The following PACRG variants were observed in gnomAD, a reference collection of about 807,000 sequenced individuals.
The protein encoded by PACRG is parkin coregulated.
In PACRG, 29 loss-of-function variants were observed where a neutral mutation model predicts 29.7. The observed-to-expected ratio is 0.98, with a 90% CI of 0.73 to 1.33. The LOEUF (loss-of-function observed/expected upper bound fraction) is 1.33, where lower values mean the gene tolerates loss of function less well. Ranked by LOEUF, PACRG falls within the 40% of genes most tolerant of loss-of-function variation. The pLI is 0.00. For missense variants in PACRG, 279 were observed against 316.2 expected, an observed-to-expected ratio of 0.88 and a Z score of 0.89; for synonymous variants, 116 against 118.7, an observed-to-expected ratio of 0.98 and a Z score of 0.15.
intron 1 of PACRG, among the ~76,000 whole-genome samples, chr6:162,763,022 C>T (rs1013319094): frequency 3.3e-5 from 5 of 152,182 alleles, no homozygotes; most frequent in African/African-American, 1.2e-4. Context: ...TGCATGAAAT[C>T]AATTAATGAT....
At chr6:163,297,810 C>T (rs1047644949) in intron 4 of PACRG, among the ~76,000 whole-genome samples, 3 of 152,162 alleles carry the variant, frequency 2.0e-5, no homozygotes, top group Admixed American at 6.5e-5. Context: ...CTCACAGCCA[C>T]CTGATGGGTG....
At chr6:163,188,782 A>C (rs1780070944) in intron 4 of PACRG, among the ~76,000 whole-genome samples, 1 of 152,184 alleles carries the variant, frequency 6.6e-6, no homozygotes, top group Non-Finnish European at 1.5e-5. Context: ...TGTGTTTGAG[A>C]TCTGAAAAAC....
chr6:163,188,661 G>A (rs13217038), intron 4 of PACRG, among the ~76,000 whole-genome samples: 13,741 of 152,234 alleles, frequency 0.09, 669 homozygotes, highest in South Asian at 0.13. Flanking sequence ...TATTTTAGTG[G>A]CCTTTCTCAC....
intron 3 of PACRG, among the ~76,000 whole-genome samples, chr6:163,078,101 G>A (rs926018439): frequency 2.0e-5 from 3 of 152,118 alleles, no homozygotes; most frequent in Middle Eastern, 3.2e-3. Flanking sequence ...GATGTTGAGG[G>A]GCAAAAGCTC....
chr6:163,048,171 T>C (rs1809602331), intron 2 of PACRG, among the ~76,000 whole-genome samples: 1 of 152,152 alleles, frequency 6.6e-6, no homozygotes. Flanking sequence ...AATCTTTGCA[T>C]GTACTTTTCT....
intron 2 of PACRG, among the ~76,000 whole-genome samples, chr6:163,035,765 T>C (rs980431864): frequency 1.1e-4 from 15 of 135,744 alleles, no homozygotes; most frequent in Non-Finnish European, 2.0e-4. Context: ...TGAGCCGAGA[T>C]CATGCCATTG....
chr6:163,161,790 G>A lies in PACRG; in HGVS notation c.613+72382G>A, dbSNP rs144367826. 1.2e-4 allele frequency among the ~76,000 whole-genome samples: 18 copies of A among 152,220 alleles called. No homozygotes were observed. The East Asian group carries it at 3.1e-3, about 26-fold the overall frequency. ...TCAAGTGAGTTCATTCCGTGGCTCC[G>A]TTGCACTACCCAGCACCCAATAGCA... On this transcript the variant is annotated intron_variant, in intron 4 of 4. Transcript: ENST00000366888.
chr6:163,231,805 C>T (rs190626681), intron 4 of PACRG, among the ~76,000 whole-genome samples: 42 of 152,218 alleles, frequency 2.8e-4, no homozygotes, highest in Admixed American at 1.7e-3. Context: ...GAGGTGGGAC[C>T]ATACAGGTGC....
chr6:162,945,941 A>G (rs1035194728), intron 2 of PACRG, among the ~76,000 whole-genome samples: 4 of 152,186 alleles, frequency 2.6e-5, no homozygotes, highest in Admixed American at 6.5e-5. Context: ...TAAGGAGGAA[A>G]TTAAAAAATA....
At chr6:162,996,874 T>C (rs1291426418) in intron 2 of PACRG, among the ~76,000 whole-genome samples, 2 of 152,276 alleles carry the variant, frequency 1.3e-5, no homozygotes, top group East Asian at 3.9e-4. Context: ...AAAGAATATA[T>C]GCTAAGTAAT....
At chr6:163,070,622 AG>A in intron 3 of PACRG, among the ~76,000 whole-genome samples, 1 of 152,190 alleles carries the variant, frequency 6.6e-6, no homozygotes, top group South Asian at 2.1e-4. Context: ...AGAGGAAGAC[AG>A]GAAGGAAGGA....
intron 2 of PACRG, among the ~76,000 whole-genome samples, chr6:162,992,541 G>C (rs1185342558): frequency 1.4e-5 from 2 of 141,408 alleles, no homozygotes; most frequent in African/African-American, 2.6e-5. Flanking sequence ...GGTGTTTGTA[G>C]TATTCTCTGA....
At chr6:162,829,098 T>C (rs773303012) in intron 2 of PACRG, among the ~76,000 whole-genome samples, 1 of 152,208 alleles carries the variant, frequency 6.6e-6, no homozygotes, top group Non-Finnish European at 1.5e-5. Context: ...GCAAATCCAT[T>C]TTTTGTGTCC....
chr6:163,048,569 A>G (rs567245551), intron 2 of PACRG, among the ~76,000 whole-genome samples: 5 of 152,080 alleles, frequency 3.3e-5, no homozygotes, highest in South Asian at 2.1e-4. Flanking sequence ...TGGTTTTCGT[A>G]TTAAGGTTAT....
At chr6:163,025,322 A>T (rs938466091) in intron 2 of PACRG, among the ~76,000 whole-genome samples, 1 of 152,266 alleles carries the variant, frequency 6.6e-6, no homozygotes, top group African/African-American at 2.4e-5. Flanking sequence ...ATATGATTCT[A>T]TACCTACAAA....
At chr6:163,098,830 C>T (rs528489923) in intron 4 of PACRG, among the ~76,000 whole-genome samples, 145 of 152,284 alleles carry the variant, frequency 9.5e-4, no homozygotes, top group African/African-American at 3.2e-3. Context: ...TTATTCATAT[C>T]TCCCCTTTTT....
intron 4 of PACRG, among the ~76,000 whole-genome samples, chr6:163,203,309 A>G (rs535156433): frequency 6.6e-6 from 1 of 152,272 alleles, no homozygotes; most frequent in South Asian, 2.1e-4. Context: ...GCTACTCAGG[A>G]GGCTGAGGCA....
intron 4 of PACRG, among the ~76,000 whole-genome samples, chr6:163,197,857 A>G (rs1780542141): frequency 6.6e-6 from 1 of 152,204 alleles, no homozygotes; most frequent in Non-Finnish European, 1.5e-5. Flanking sequence ...AAGGAACAGA[A>G]CTGGCCACAT....
intron 2 of PACRG, among the ~76,000 whole-genome samples, chr6:162,816,053 AT>A (rs1787310175): frequency 1.3e-5 from 2 of 152,292 alleles, no homozygotes; most frequent in East Asian, 3.9e-4. Flanking sequence ...ATTAATAAAA[AT>A]ATGAGATGAA....
Sources: allele counts gnomAD v4.1 joint callset (sites outside exome capture counted in the v4.1 genomes callset), GRCh38; gene constraint gnomAD v4.1.1; transcripts MANE v1.5; gene names NCBI Gene and HGNC (gene_info 2026-07-23, HGNC 2026-07-21).